TNRC6C: variants seen among roughly 807,000 people sequenced by gnomAD.
The protein encoded by TNRC6C is trinucleotide repeat containing adaptor 6C.
Under a neutral mutation model 153.7 loss-of-function variants are expected in TNRC6C, and 20 were observed. That is an observed-to-expected ratio of 0.13 (90% confidence interval 0.09 to 0.19). The LOEUF is 0.19. Ranked by LOEUF, TNRC6C falls within the 10% of genes least tolerant of loss-of-function variation. TNRC6C has a pLI of 1.00. For missense variants in TNRC6C, 1,987 were observed against 2,172.0 expected (o/e 0.91, Z 1.69); for synonymous variants, 811 against 841.4 (o/e 0.96, Z 0.63).
chr17:77,968,710 G>A (rs117598503), intron 1 of TNRC6C, among the ~76,000 whole-genome samples: 401 of 152,132 alleles, frequency 2.6e-3, no homozygotes, highest in Non-Finnish European at 4.3e-3. Context: ...ATTTTGATTG[G>A]GTAGATCTTA....
intron 1 of TNRC6C, among the ~76,000 whole-genome samples, chr17:77,991,001 G>T (rs1356058667): frequency 2.0e-5 from 3 of 152,152 alleles, no homozygotes; most frequent in Non-Finnish European, 4.4e-5. Context: ...TTGTTTCTTA[G>T]TGATGCATAA....
At chr17:78,002,901 C>T (rs986484015), upstream of TNRC6C, among the ~76,000 whole-genome samples, 1 of 151,768 alleles carries the variant, frequency 6.6e-6, no homozygotes, top group African/African-American at 2.4e-5. Flanking sequence ...GAGGTGTAGA[C>T]TCTCTAGGAA....
At chr17:78,095,308 C>G (rs1490701533) in intron 16 of TNRC6C, among the ~76,000 whole-genome samples, 1 of 152,246 alleles carries the variant, frequency 6.6e-6, no homozygotes, top group Non-Finnish European at 1.5e-5. Context: ...CCACATGCAG[C>G]TGTCCTCCAG....
intron 1 of TNRC6C, among the ~76,000 whole-genome samples, chr17:78,027,049 C>T (rs953297082): frequency 3.3e-5 from 5 of 152,086 alleles, no homozygotes; most frequent in African/African-American, 1.2e-4. Flanking sequence ...ACAACAAAGC[C>T]ATAAAAGAAC....
upstream of TNRC6C, among the ~76,000 whole-genome samples, chr17:77,958,439 C>A (rs934573449): frequency 1.3e-5 from 2 of 151,910 alleles, no homozygotes; most frequent in African/African-American, 4.8e-5. Context: ...GCTCCCCGCG[C>A]GGTGCAGGGA....
In TNRC6C at chr17:78,104,776, G is replaced by A. The variant is rs974174936; in HGVS notation, c.5004G>A (p.Arg1668=). 1.4e-6 allele frequency: 2 copies of A among 1,472,692 alleles called. No homozygotes were observed. Among genetic ancestry groups the A allele is most frequent in the Non-Finnish European group, 1.8e-6 (2 of 1,111,562 alleles). The allele number at this position is 1,472,692 out of a possible 1,614,324, so 91.2% of individuals were successfully genotyped here. The change falls in exon 20 of 20, where the codon AGG becomes AGA. Residue 1668 remains arginine (R), a synonymous_variant. Coordinates refer to ENST00000301624, the Ensembl canonical transcript of TNRC6C. This position sits in a 1 kb window ranked among gnomAD's most constrained non-coding sequence, Gnocchi z 6.2. Reference sequence around the variant, plus strand: ...GCCCGCCCAGCGCCGACGACAGCAGGGTGATAGGCAGCCCCACGCCGCTAA... The same window carrying A: ...GCCCGCCCAGCGCCGACGACAGCAGAGTGATAGGCAGCCCCACGCCGCTAA...
At chr17:77,994,010 T>G (rs181330770) in intron 1 of TNRC6C, among the ~76,000 whole-genome samples, 23 of 150,864 alleles carry the variant, frequency 1.5e-4, no homozygotes, top group Admixed American at 2.6e-4. Context: ...CTGGTCAACA[T>G]GGTGAAACCC....
chr17:78,042,410 C>A (rs1347670821), intron 2 of TNRC6C, among the ~76,000 whole-genome samples: 1 of 152,168 alleles, frequency 6.6e-6, no homozygotes, highest in Non-Finnish European at 1.5e-5. Context: ...GTTTCTTCAT[C>A]TGTAAAACTG....
chr17:77,964,266 A>T (rs2070881558), intron 1 of TNRC6C, among the ~76,000 whole-genome samples: 1 of 152,248 alleles, frequency 6.6e-6, no homozygotes, highest in Non-Finnish European at 1.5e-5. Flanking sequence ...TTAGAAATTA[A>T]TACTCTATTG....
intron 11 of TNRC6C, among the ~76,000 whole-genome samples, chr17:78,083,790 G>A (rs778081027): frequency 1.3e-5 from 2 of 152,168 alleles, no homozygotes; most frequent in Non-Finnish European, 2.9e-5. Context: ...ATTCTTGAAA[G>A]TTTTGTAGCT....
chr17:78,106,517 T>G (rs1238185149), exon 20 of TNRC6C: 2 of 137,790 alleles, frequency 1.5e-5, no homozygotes, highest in African/African-American at 5.8e-5. Flanking sequence ...ACTGAAGATG[T>G]TATTTAAAAA....
intron 13 of TNRC6C, among the ~76,000 whole-genome samples, chr17:78,087,593 C>CTGTA (rs1299653809): frequency 6.6e-6 from 1 of 152,174 alleles, no homozygotes; most frequent in Non-Finnish European, 1.5e-5. Context: ...CTACTCTGAA[C>CTGTA]TGTACTTTAC....
intron 2 of TNRC6C, among the ~76,000 whole-genome samples, chr17:78,033,708 A>G (rs918814394): frequency 3.3e-5 from 5 of 152,212 alleles, no homozygotes; most frequent in African/African-American, 1.2e-4. Flanking sequence ...ATAAATATAC[A>G]TATAAACACA....
chr17:78,024,461 G>C lies in TNRC6C; in HGVS notation c.-545-7055G>C, dbSNP rs543114115. On this transcript the variant is annotated intron_variant, in intron 1 of 19. Coordinates refer to ENST00000301624, the Ensembl canonical transcript of TNRC6C. ...GGCTCACTGCAAGCTTCGCCTCCCA[G>C]GTTCACGCCATTCTCCTGCCTCAGT... 3.3e-5 allele frequency among the ~76,000 whole-genome samples: 5 copies of C among 152,046 alleles called. No individual in the cohort carries two copies. In the South Asian group the frequency reaches 8.3e-4, roughly 25 times the overall value.
At chr17:77,962,825 A>T (rs763482314) in intron 1 of TNRC6C, among the ~76,000 whole-genome samples, 6 of 152,250 alleles carry the variant, frequency 3.9e-5, no homozygotes, top group Non-Finnish European at 8.8e-5. Flanking sequence ...TTGGTGACAC[A>T]GTCTTTGGTC....
intron 13 of TNRC6C, among the ~76,000 whole-genome samples, chr17:78,090,468 G>A (rs1354368883): frequency 6.6e-6 from 1 of 152,216 alleles, no homozygotes; most frequent in Non-Finnish European, 1.5e-5. Context: ...AGTACTTACG[G>A]TAAGGACCTA....
At chr17:78,080,284 TA>T (rs1240749595) in intron 10 of TNRC6C, among the ~76,000 whole-genome samples, 1 of 152,132 alleles carries the variant, frequency 6.6e-6, no homozygotes, top group East Asian at 1.9e-4. Flanking sequence ...CCATCTCTAC[TA>T]AAAATACAAA....
Position 78,075,807 on chromosome 17 carries a change from A to C in TNRC6C, c.3060+529A>C, listed in dbSNP as rs2073073740. The stretch of plus-strand genomic sequence containing the variant: ...AGTGTTGTCATGTAATGATGTCCCC[A>C]TGCCAGACTGGTGTGACTGCAAAGC... On this transcript the variant is annotated intron_variant, in intron 8 of 19. Coordinates refer to ENST00000301624, the Ensembl canonical transcript of TNRC6C. The surrounding 1 kb of genome is among the most constrained non-coding windows in gnomAD (Gnocchi z 4.2). Among the ~76,000 whole-genome samples the C allele has an allele frequency of 6.6e-6, 1 of 152,288 alleles. No individual in the cohort carries two copies. Among genetic ancestry groups the C allele is most frequent in the Non-Finnish European group, 1.5e-5 (1 of 68,022 alleles).
At chr17:77,979,463 A>G (rs1370863391) in intron 1 of TNRC6C, among the ~76,000 whole-genome samples, 1 of 152,206 alleles carries the variant, frequency 6.6e-6, no homozygotes, top group African/African-American at 2.4e-5. Context: ...AGGGTTTAAT[A>G]GTATTCTTAG....
Sources: allele counts gnomAD v4.1 joint callset (sites outside exome capture counted in the v4.1 genomes callset), GRCh38; gene constraint gnomAD v4.1.1; non-coding constraint Gnocchi (gnomAD v3.1); transcripts MANE v1.5; gene names NCBI Gene and HGNC (gene_info 2026-07-23, HGNC 2026-07-21).